IPO8: variants seen among roughly 807,000 people sequenced by gnomAD.
IPO8 encodes the protein importin 8.
A neutral mutation model predicts 141.2 loss-of-function variants in IPO8; 65 were observed. That is an observed-to-expected ratio of 0.46 (90% CI 0.38 to 0.57). The LOEUF (loss-of-function observed/expected upper bound fraction) is 0.57. IPO8 is among the 20% of genes least tolerant of loss of function. The pLI is 0.00. For synonymous variants in IPO8, 411 were observed against 420.3 expected (o/e 0.98, Z 0.27); for missense variants, 980 against 1,246.8 (o/e 0.79, Z 3.22).
At chr12:30,689,611 CAAATT>C (rs1243795715) in intron 2 of IPO8, among the ~76,000 whole-genome samples, 2 of 152,088 alleles carry the variant, frequency 1.3e-5, no homozygotes, top group African/African-American at 4.8e-5. Flanking sequence ...ATGTTCAAAT[CAAATT>C]AAATACTTTC....
At chr12:30,683,427 C>T (rs982723668) in intron 3 of IPO8, among the ~76,000 whole-genome samples, 2 of 152,116 alleles carry the variant, frequency 1.3e-5, no homozygotes, top group African/African-American at 4.8e-5. Context: ...TATATTCAAC[C>T]TCTTGATATT....
In IPO8 at chr12:30,674,750, T is replaced by TCTC; in HGVS notation, c.730_732dup (p.Glu244dup). ...CTATCATCCTCATCAATGTGCAGAG[T>TCTC]CTCCTAACAGGACAAAATTACCCAG... On this transcript the variant is annotated inframe_insertion, in exon 7 of 25. Transcript: ENST00000256079. 1 of 1,608,904 alleles carries TCTC rather than the reference T, an allele frequency of 6.2e-7. No individual in the cohort carries two copies. Among genetic ancestry groups the TCTC allele is most frequent in the Non-Finnish European group, 8.5e-7 (1 of 1,175,450 alleles).
intron 21 of IPO8, among the ~76,000 whole-genome samples, chr12:30,638,097 A>G (rs1214812260): frequency 6.6e-6 from 1 of 152,138 alleles, no homozygotes; most frequent in African/African-American, 2.4e-5. Flanking sequence ...TCACAGCAGA[A>G]AAGAGGATTA....
In IPO8 at chr12:30,629,082, G is replaced by T. The variant is rs1216710442; in HGVS notation, c.*1778C>A. 1 of 152,140 alleles carries T rather than the reference G, an allele frequency of 6.6e-6. No individual in the cohort carries two copies. The highest frequency in any genetic ancestry group is 2.4e-5 in the African/African-American group (1 of 41,430). The allele number at this position is 152,140 out of a possible 1,614,324, so 9.4% of individuals were successfully genotyped here. A position where few individuals can be genotyped will look rare whatever the true frequency, so the allele number is the denominator to read the frequency against. On this transcript the variant is annotated 3_prime_UTR_variant, in exon 25 of 25. Transcript: ENST00000256079. Reference sequence around the variant, plus strand: ...GGTCACATTCAGGTTAGCACTGCTGGTAACAAAATCATACAACTACCCTGG... The same window carrying T: ...GGTCACATTCAGGTTAGCACTGCTGTTAACAAAATCATACAACTACCCTGG...
chr12:30,670,577 C>T (rs1314745686), intron 9 of IPO8, among the ~76,000 whole-genome samples: 1 of 152,186 alleles, frequency 6.6e-6, no homozygotes, highest in Non-Finnish European at 1.5e-5. Context: ...TCTTCAATTC[C>T]TGCAAAATAA....
intron 11 of IPO8, 40 bp from the exon 12 acceptor site, chr12:30,665,885 T>C (rs1161256086): frequency 2.2e-6 from 3 of 1,334,418 alleles, no homozygotes; most frequent in Non-Finnish European, 3.2e-6. Flanking sequence ...ACATGAACTT[T>C]CATTGTCTTA....
Position 30,665,757 on chromosome 12 carries a change from A to G in IPO8, c.1310T>C (p.Ile437Thr), listed in dbSNP as rs371753887. The change falls in exon 12 of 25, where the codon ATT becomes ACT. Residue 437 changes from isoleucine to threonine, a missense_variant. Ile to Thr is a moderately conservative substitution (Grantham distance 89). Around this residue, in one of 3 missense-constraint regions of IPO8, gnomAD observed 924 missense variants for 1,153.9 expected, o/e 0.80. Coordinates refer to ENST00000256079, the MANE Select transcript of IPO8 (RefSeq NM_006390.4). ...PRKKDGALHV[I>T]GSLAEILLKK... is the part of the protein sequence containing the mutation. The stretch of plus-strand genomic sequence containing the variant: ...CAGTAAAATCTCAGCTAGGGAACCA[A>G]TCACATGCAGGGCTCCATCTTTCTT... 1.6e-5 allele frequency: 25 copies of G among 1,611,826 alleles called. No individual in the cohort carries two copies. In the East Asian group the frequency reaches 5.4e-4, roughly 35 times the overall value.
chr12:30,693,378 A>C (rs1481408832), intron 1 of IPO8, among the ~76,000 whole-genome samples: 1 of 152,244 alleles, frequency 6.6e-6, no homozygotes, highest in Non-Finnish European at 1.5e-5. Flanking sequence ...AAAAATATAT[A>C]GCTCCAAATG....
intron 9 of IPO8, 145 bp from the exon 10 acceptor site, chr12:30,669,427 T>C: frequency 2.0e-6 from 1 of 492,394 alleles, no homozygotes; most frequent in Non-Finnish European, 3.6e-6. Flanking sequence ...CGAGGTTATA[T>C]TTACTATTAT....
intron 13 of IPO8, among the ~76,000 whole-genome samples, chr12:30,664,156 G>T (rs1332494400): frequency 3.9e-5 from 6 of 151,970 alleles, no homozygotes; most frequent in Non-Finnish European, 8.8e-5. Context: ...TTTACTCTCT[G>T]TGTGCATCAA....
intron 15 of IPO8, among the ~76,000 whole-genome samples, chr12:30,661,713 GA>G (rs1452661959): frequency 6.8e-6 from 1 of 146,162 alleles, no homozygotes; most frequent in East Asian, 2.0e-4. Flanking sequence ...AATACAAACA[GA>G]AAAAAAAATA....
intron 3 of IPO8, among the ~76,000 whole-genome samples, chr12:30,683,851 T>C (rs1026721147): frequency 6.6e-6 from 1 of 152,138 alleles, no homozygotes; most frequent in Non-Finnish European, 1.5e-5. Flanking sequence ...TCCTGTCTTC[T>C]CTGAAGGAAA....
chr12:30,694,939 A>ATTTT (rs1345762154), intron 1 of IPO8: 1 of 455,228 alleles, frequency 2.2e-6, no homozygotes, highest in Non-Finnish European at 4.4e-6. Flanking sequence ...AGTCTTACAC[A>ATTTT]TTTTAGCATT....
chr12:30,690,382 G>A (rs1829666299), intron 2 of IPO8, 114 bp downstream of exon 2: 3 of 661,654 alleles, frequency 4.5e-6, no homozygotes, highest in African/African-American at 2.0e-5. Flanking sequence ...AATACTTCAT[G>A]AGTGCTAGTG....
rs938687767 is a variant in IPO8, at chr12:30,653,012, T to C, written c.2029A>G (p.Ile677Val). Residue 677 changes from isoleucine (I) to valine (V), a missense_variant, in exon 18 of 25, where the codon ATA becomes GTA. Ile to Val is a conservative substitution (Grantham distance 29, BLOSUM62 3). This residue lies in a region of IPO8 where 924 missense variants were observed against 1,153.9 expected (regional missense o/e 0.80). Transcript: ENST00000256079. ...ISPQMWQLLGILYEVFQQDCF... is the reference protein window; with the variant it reads ...ISPQMWQLLGVLYEVFQQDCF... ...TCCTGCTGAAACACTTCATATAGTA[T>C]ACCTAGAAGCTGCCACATTTGAGGG... The C allele has an allele frequency of 4.3e-6, 7 of 1,612,024 alleles. No individual in the cohort carries two copies. Among genetic ancestry groups the C allele is most frequent in the Non-Finnish European group, 5.9e-6 (7 of 1,178,772 alleles).
At chr12:30,657,764 C>T (rs2052821262) in intron 16 of IPO8, among the ~76,000 whole-genome samples, 1 of 152,022 alleles carries the variant, frequency 6.6e-6, no homozygotes. Flanking sequence ...ATGGAAGGAT[C>T]ATCAAGATAT....
intron 13 of IPO8, among the ~76,000 whole-genome samples, chr12:30,664,911 T>C (rs10843806): frequency 0.55 from 83,037 of 151,912 alleles, 23,302 homozygotes; most frequent in African/African-American, 0.67. Context: ...AGCTAATTTT[T>C]TGTATTTTTG....
intron 10 of IPO8, among the ~76,000 whole-genome samples, chr12:30,668,538 T>C (rs1482578631): frequency 6.6e-6 from 1 of 152,184 alleles, no homozygotes; most frequent in East Asian, 1.9e-4. Context: ...TAAGGTAAAA[T>C]TCCTGTCCTG....
rs758387344 is a variant in IPO8 at position 30,630,886 on chromosome 12, A to C, written c.3088T>G (p.Phe1030Val). ...CAGTTGTTGCTGGGCACAGTCCCAAAATTAAATGCGGAGAGGACTCCTTTG... is the reference window on the plus strand; with the variant it reads ...CAGTTGTTGCTGGGCACAGTCCCAACATTAAATGCGGAGAGGACTCCTTTG... ...ENKGVLSAFN[F>V]GTVPSNN Residue 1030 changes from phenylalanine (F) to valine (V), a missense_variant, in exon 25 of 25, where the codon TTT becomes GTT. By Grantham distance (50) the Phe-to-Val change is conservative. Coordinates refer to ENST00000256079, the MANE Select transcript of IPO8 (RefSeq NM_006390.4). 10 of 1,613,728 alleles carry C rather than the reference A, an allele frequency of 6.2e-6. No homozygotes were observed. Among genetic ancestry groups the C allele is most frequent in the African/African-American group, 1.3e-5 (1 of 75,020 alleles).
Sources: gnomAD v4.1 joint callset for allele counts (sites outside exome capture counted in the v4.1 genomes callset) on GRCh38, gnomAD v4.1.1 for gene constraint, gnomAD v4.1.1 regional missense constraint, MANE v1.5 for transcripts, NCBI Gene and HGNC (gene_info 2026-07-23, HGNC 2026-07-21) for gene names.